The following GRM5 variants were observed in gnomAD, a reference collection of about 807,000 sequenced individuals.
The protein encoded by GRM5 is glutamate metabotropic receptor 5, also known as metabotropic glutamate receptor 5.
A neutral mutation model predicts 83.1 loss-of-function variants in GRM5; 19 were observed. That is an observed-to-expected ratio of 0.23 (90% CI 0.16 to 0.34). The LOEUF is 0.34. Among genes scored for constraint, GRM5 ranks in the 10% least tolerant of loss-of-function variants. GRM5 has a pLI of 1.00. For synonymous variants in GRM5, 675 were observed against 633.6 expected, an observed-to-expected ratio of 1.07 and a Z score of -0.98; for missense variants, 1,160 against 1,588.3, an observed-to-expected ratio of 0.73 and a Z score of 4.58.
intron 3 of GRM5, among the ~76,000 whole-genome samples, chr11:88,715,829 C>T (rs913716235): frequency 5.3e-5 from 8 of 151,934 alleles, no homozygotes; most frequent in African/African-American, 7.2e-5. Context: ...CCAATCAGTG[C>T]TTTTAAAACC....
At chr11:88,868,711 T>C (rs542159417) in intron 2 of GRM5, among the ~76,000 whole-genome samples, 2 of 151,902 alleles carry the variant, frequency 1.3e-5, no homozygotes, top group East Asian at 3.9e-4. Context: ...AACTGCTCAT[T>C]AGATATGCAC....
At chr11:88,533,788 G>A (rs1942071642) in intron 8 of GRM5, among the ~76,000 whole-genome samples, 1 of 152,200 alleles carries the variant, frequency 6.6e-6, no homozygotes. Context: ...GAGCACGTCA[G>A]AGGTCTTCAG....
At chr11:88,974,398 T>C (rs193278510) in intron 2 of GRM5, among the ~76,000 whole-genome samples, 1 of 151,838 alleles carries the variant, frequency 6.6e-6, no homozygotes, top group East Asian at 1.9e-4. Flanking sequence ...GATAGATAGA[T>C]AGATAGATAG....
chr11:88,509,531 G>A, intron 9 of GRM5, 27 bp from the exon 10 acceptor site: 1 of 1,581,510 alleles, frequency 6.3e-7, no homozygotes, highest in Non-Finnish European at 8.6e-7. Flanking sequence ...GAGGAAAGGT[G>A]ACTCAGCGAG....
At chr11:88,533,120 G>A (rs899453451) in intron 8 of GRM5, among the ~76,000 whole-genome samples, 13 of 152,046 alleles carry the variant, frequency 8.6e-5, no homozygotes, top group Non-Finnish European at 1.5e-4. Context: ...TGCTCAAAAC[G>A]CTGTTAGTTA....
intron 2 of GRM5, among the ~76,000 whole-genome samples, chr11:88,934,191 A>G (rs1268770530): frequency 4.0e-5 from 6 of 151,776 alleles, no homozygotes; most frequent in African/African-American, 1.2e-4. Flanking sequence ...TGATTCCTGT[A>G]TTGGTCTTTT....
chr11:88,782,776 T>C (rs16914836), intron 3 of GRM5, among the ~76,000 whole-genome samples: 5,512 of 152,214 alleles, frequency 0.036, 266 homozygotes, highest in Admixed American at 0.15. Flanking sequence ...TCAATTCACA[T>C]GGTCCAAAGC....
intron 2 of GRM5, among the ~76,000 whole-genome samples, chr11:88,928,504 ATG>A (rs1249511936): frequency 2.1e-5 from 3 of 145,658 alleles, no homozygotes; most frequent in African/African-American, 7.5e-5. Context: ...ATATATATAT[ATG>A]TACTATTAAT....
intron 2 of GRM5, among the ~76,000 whole-genome samples, chr11:88,986,727 C>CTTTTTTTTTTTTTTTTTTTTTTTTCTT (rs60281684): frequency 1.1e-5 from 1 of 93,116 alleles, no homozygotes; most frequent in Non-Finnish European, 2.0e-5. Flanking sequence ...TTTATTTTTG[C>CTTTTTTTTTTTTTTTTTTTTTTTTCTT]TTTTTTTTTT....
At chr11:88,826,781 C>G (rs1425623298) in intron 3 of GRM5, among the ~76,000 whole-genome samples, 2 of 152,150 alleles carry the variant, frequency 1.3e-5, no homozygotes, top group African/African-American at 2.4e-5. Context: ...ATCCCTTTAT[C>G]TACTTAAAAA....
intron 1 of GRM5, among the ~76,000 whole-genome samples, chr11:89,064,545 T>A (rs1942058027): frequency 6.6e-6 from 1 of 152,142 alleles, no homozygotes. Context: ...ATCCATATTT[T>A]ATGAGTGTTC....
chr11:88,817,876 C>G (rs539582814), intron 3 of GRM5, among the ~76,000 whole-genome samples: 1 of 152,026 alleles, frequency 6.6e-6, no homozygotes, highest in Non-Finnish European at 1.5e-5. Flanking sequence ...AAGAACTGAA[C>G]GAGCTCTGTT....
chr11:88,628,982 T>C (rs1287518136), intron 4 of GRM5, among the ~76,000 whole-genome samples: 5 of 152,188 alleles, frequency 3.3e-5, no homozygotes, highest in African/African-American at 9.7e-5. Context: ...CACACATCAC[T>C]TTAGCTCATA....
chr11:88,509,218 C>G lies in GRM5; in HGVS notation c.3013G>C (p.Glu1005Gln), dbSNP rs1011256914. The G allele has an allele frequency of 3.3e-6, 5 of 1,531,006 alleles. No homozygotes were observed. In the Admixed American group the frequency reaches 1.0e-4, roughly 31 times the overall value. 94.8% of individuals were successfully genotyped at this position (1,531,006 alleles called of 1,614,324 possible). The change falls in exon 10 of 10, where the codon GAG (glutamate) becomes CAG (glutamine). Residue 1005 changes from glutamate (E) to glutamine (Q), a missense_variant. Transcript: ENST00000305447. The stretch of plus-strand genomic sequence containing the variant: ...GGCGCCGGGAAGTGCTCCTCAGCCT[C>G]GGCCACATCATACAGCGCCTTGGGG... ...AGPKALYDVAEAEEHFPAPAR... is the reference protein window; with the variant it reads ...AGPKALYDVAQAEEHFPAPAR...
At chr11:88,729,298 A>T (rs1941752525) in intron 3 of GRM5, among the ~76,000 whole-genome samples, 1 of 152,056 alleles carries the variant, frequency 6.6e-6, no homozygotes, top group Non-Finnish European at 1.5e-5. Flanking sequence ...AGAATAAAAT[A>T]CCTAGGAATC....
chr11:88,869,325 A>G (rs1304189281), intron 2 of GRM5, among the ~76,000 whole-genome samples: 1 of 151,626 alleles, frequency 6.6e-6, no homozygotes, highest in East Asian at 1.9e-4. Flanking sequence ...GTAGGTAGCT[A>G]TGGAAAAAAG....
chr11:88,913,745 C>G (rs1433854833), intron 2 of GRM5, among the ~76,000 whole-genome samples: 1 of 151,946 alleles, frequency 6.6e-6, no homozygotes, highest in Admixed American at 6.6e-5. Flanking sequence ...TGCTCCCATG[C>G]CAGGCTAATT....
Position 88,507,171 on chromosome 11 carries a change from C to T in GRM5, c.*1421G>A, listed in dbSNP as rs530720772. The T allele has an allele frequency of 6.6e-6, 1 of 152,222 alleles. No homozygotes were observed. The highest frequency in any genetic ancestry group is 2.1e-4 in the South Asian group (1 of 4,828). The allele number at this position is 152,222 out of a possible 1,614,324, so 9.4% of individuals were successfully genotyped here. A position where few individuals can be genotyped will look rare whatever the true frequency, so the allele number is the denominator to read the frequency against. ...TTCTGTTATACTCTAAATCTCTTTT[C>T]TGTAGTTTTAAAAAGTGACAGTATG... On this transcript the variant is annotated 3_prime_UTR_variant, in exon 10 of 10. Coordinates refer to ENST00000305447, the MANE Select transcript of GRM5 (RefSeq NM_001143831.3).
At chr11:88,608,517 T>TTC (rs1938223470) in intron 4 of GRM5, among the ~76,000 whole-genome samples, 1 of 41,594 alleles carries the variant, frequency 2.4e-5, no homozygotes, top group African/African-American at 3.8e-5. Context: ...AACAGGGATT[T>TTC]TTTTTTTTTT....
Sources: allele counts gnomAD v4.1 joint callset (sites outside exome capture counted in the v4.1 genomes callset), GRCh38; gene constraint gnomAD v4.1.1; transcripts MANE v1.5; gene names NCBI Gene and HGNC (gene_info 2026-07-23, HGNC 2026-07-21).